Variants in RBFOX1 observed in about 807,000 individuals in gnomAD.
RBFOX1 encodes the protein RNA binding fox-1 homolog 1, also known as RNA binding protein fox-1 homolog 1.
Under a neutral mutation model 57.7 loss-of-function variants are expected in RBFOX1, and 8 were observed. That is an observed-to-expected ratio of 0.14 (90% confidence interval 0.08 to 0.25). The LOEUF (loss-of-function observed/expected upper bound fraction) is 0.25. RBFOX1 is among the 10% of genes least tolerant of loss of function. RBFOX1 has a pLI of 1.00. For missense variants in RBFOX1, 611 were observed against 548.5 expected, an observed-to-expected ratio of 1.11 and a Z score of -1.14; for synonymous variants, 326 against 222.4, an observed-to-expected ratio of 1.47 and a Z score of -4.15.
chr16:7,594,264 G>C (rs1400938415), intron 7 of RBFOX1, among the ~76,000 whole-genome samples: 2 of 152,080 alleles, frequency 1.3e-5, no homozygotes, highest in South Asian at 4.1e-4. Context: ...TAACTACCAT[G>C]TATTTGTAAT....
At chr16:7,244,490 T>G (rs2094207983) in intron 4 of RBFOX1, among the ~76,000 whole-genome samples, 1 of 152,186 alleles carries the variant, frequency 6.6e-6, no homozygotes, top group Non-Finnish European at 1.5e-5. Flanking sequence ...ATATTCAGTT[T>G]TCTTAAGTAA....
rs73524612 is a variant in RBFOX1 at position 6,473,937 on chromosome 16, C to T, written c.-64+156880C>T. On this transcript the variant is annotated intron_variant, in intron 2 of 15. Transcript: ENST00000550418. ...GAATCTAGTCCTGATTGTTTCTGAG[C>T]CAGTGGATTTTTGTTTGGCTTCCTG... Among the ~76,000 whole-genome samples, 924 of 152,206 alleles carry T rather than the reference C, an allele frequency of 6.1e-3. 13 individuals carry two copies. Among genetic ancestry groups the T allele is most frequent in the African/African-American group, 0.021 (887 of 41,532 alleles).
intron 1 of RBFOX1, among the ~76,000 whole-genome samples, chr16:5,269,084 T>G (rs1233579592): frequency 6.6e-6 from 1 of 152,194 alleles, no homozygotes; most frequent in Non-Finnish European, 1.5e-5. Context: ...CTGGCTAATT[T>G]TTGTATTTTT....
chr16:5,810,627 G>A (rs2055388505), intron 3 of RBFOX1, among the ~76,000 whole-genome samples: 1 of 152,126 alleles, frequency 6.6e-6, no homozygotes. Context: ...CCAGCCCGTG[G>A]AACTCCTAAA....
chr16:7,344,268 C>T (rs1002977612), intron 4 of RBFOX1, among the ~76,000 whole-genome samples: 1 of 151,180 alleles, frequency 6.6e-6, no homozygotes, highest in Admixed American at 6.6e-5. Flanking sequence ...TCAATTAATA[C>T]TCCCTAAGTA....
chr16:5,520,085 C>T (rs1414551022), intron 2 of RBFOX1, among the ~76,000 whole-genome samples: 1 of 152,142 alleles, frequency 6.6e-6, no homozygotes, highest in Non-Finnish European at 1.5e-5. Context: ...GTGATGGAAT[C>T]ATTTAAAGAA....
intron 5 of RBFOX1, among the ~76,000 whole-genome samples, chr16:7,557,798 G>C (rs1037194230): frequency 6.6e-6 from 1 of 151,926 alleles, no homozygotes; most frequent in Non-Finnish European, 1.5e-5. Flanking sequence ...GGGAAGGAGC[G>C]GGAGAGGGCT....
chr16:7,662,647 G>T (rs990537740), intron 12 of RBFOX1, among the ~76,000 whole-genome samples: 1 of 152,188 alleles, frequency 6.6e-6, no homozygotes. Flanking sequence ...AGAAATTGAC[G>T]AGTGGCTCTG....
At chr16:6,027,292 C>T (rs1201594284) in intron 1 of RBFOX1, among the ~76,000 whole-genome samples, 1 of 152,126 alleles carries the variant, frequency 6.6e-6, no homozygotes, top group Non-Finnish European at 1.5e-5. Flanking sequence ...AACTGAGGCC[C>T]AGTGACTAAA....
intron 12 of RBFOX1, among the ~76,000 whole-genome samples, chr16:7,664,517 T>C (rs1463832662): frequency 6.6e-6 from 1 of 152,194 alleles, no homozygotes; most frequent in African/African-American, 2.4e-5. Flanking sequence ...CAATCCGATT[T>C]TTAAATAGAT....
At chr16:6,221,000 C>G (rs180909874) in intron 1 of RBFOX1, among the ~76,000 whole-genome samples, 57 of 151,930 alleles carry the variant, frequency 3.8e-4, no homozygotes, top group Admixed American at 7.2e-4. Flanking sequence ...AGCTATATAA[C>G]ATTTAATTGT....
chr16:6,931,145 C>G (rs1440296169), intron 3 of RBFOX1, among the ~76,000 whole-genome samples: 3 of 151,834 alleles, frequency 2.0e-5, no homozygotes, highest in African/African-American at 7.3e-5. Flanking sequence ...AAGAAAAATT[C>G]AGAACACATT....
chr16:5,772,029 G>A (rs1048399980), intron 3 of RBFOX1, among the ~76,000 whole-genome samples: 1 of 152,080 alleles, frequency 6.6e-6, no homozygotes, highest in Non-Finnish European at 1.5e-5. Flanking sequence ...AAAGTTAGCT[G>A]AGTGTGGCAG....
intron 3 of RBFOX1, among the ~76,000 whole-genome samples, chr16:5,793,635 G>A (rs1047887131): frequency 2.6e-5 from 4 of 152,184 alleles, no homozygotes; most frequent in African/African-American, 7.2e-5. Flanking sequence ...TGCTCACAAA[G>A]CAGTGAGGAA....
intron 4 of RBFOX1, among the ~76,000 whole-genome samples, chr16:7,377,825 G>C (rs1009796900): frequency 6.6e-6 from 1 of 152,190 alleles, no homozygotes; most frequent in African/African-American, 2.4e-5. Context: ...AGAAGGAATT[G>C]AGAGTAACAA....
chr16:6,624,178 G>A lies in RBFOX1; in HGVS notation c.-63-30425G>A, dbSNP rs533796897. 3.3e-5 allele frequency among the ~76,000 whole-genome samples: 5 copies of A among 152,182 alleles called. No individual in the cohort carries two copies. In the East Asian group the frequency reaches 9.6e-4, roughly 29 times the overall value. On this transcript the variant is annotated intron_variant, in intron 2 of 15. Transcript: ENST00000550418. Reference sequence around the variant, plus strand: ...ACACAGACTTGGATATGAGGAAGGGGCATAAATGCTATATTTAAGCACATG... The same window carrying A: ...ACACAGACTTGGATATGAGGAAGGGACATAAATGCTATATTTAAGCACATG...
chr16:5,735,936 G>A (rs1437821011), intron 3 of RBFOX1, among the ~76,000 whole-genome samples: 2 of 152,132 alleles, frequency 1.3e-5, no homozygotes, highest in Non-Finnish European at 2.9e-5. Flanking sequence ...TTTGACACAT[G>A]TTCCCCAGAT....
At chr16:7,600,756 A>G (rs2094968589) in intron 9 of RBFOX1, among the ~76,000 whole-genome samples, 1 of 152,224 alleles carries the variant, frequency 6.6e-6, no homozygotes, top group Non-Finnish European at 1.5e-5. Context: ...CAAAGTTTCC[A>G]GTGATAAATA....
rs958271681 is a variant in RBFOX1, at chr16:6,140,027, A to C, written c.-127+120035A>C. On this transcript the variant is annotated intron_variant, in intron 1 of 15. Coordinates refer to ENST00000550418, the MANE Select transcript of RBFOX1 (RefSeq NM_018723.4). ...GAATATTGTGTTAATTTGTCTTACC[A>C]AATGCTCTTCTCCCCACGTTTTCCC... Among the ~76,000 whole-genome samples, 6 of 151,872 alleles carry C rather than the reference A, an allele frequency of 4.0e-5. No individual in the cohort carries two copies. In the South Asian group the frequency reaches 1.2e-3, roughly 31 times the overall value.
Sources: allele counts gnomAD v4.1 joint callset (sites outside exome capture counted in the v4.1 genomes callset), GRCh38; gene constraint gnomAD v4.1.1; transcripts MANE v1.5; gene names NCBI Gene and HGNC (gene_info 2026-07-23, HGNC 2026-07-21).